The following GRID2 variants were observed in gnomAD, a reference collection of about 807,000 sequenced individuals.
GRID2 encodes glutamate ionotropic receptor delta type subunit 2.
Under a neutral mutation model 114.8 loss-of-function variants are expected in GRID2, and 33 were observed. The ratio of observed to expected loss-of-function variants is 0.29; its 90% CI spans 0.22 to 0.38. The LOEUF is 0.38. Ranked by LOEUF, GRID2 falls within the 10% of genes least tolerant of loss-of-function variation. GRID2 has a pLI of 1.00. For synonymous variants in GRID2, 505 were observed against 449.9 expected (o/e 1.12, Z -1.55); for missense variants, 1,184 against 1,257.7 (o/e 0.94, Z 0.89).
At chr4:93,592,925 T>A (rs1738555627) in intron 13 of GRID2, among the ~76,000 whole-genome samples, 1 of 151,524 alleles carries the variant, frequency 6.6e-6, no homozygotes, top group Admixed American at 6.6e-5. Context: ...TCTTCCTCCA[T>A]CCTTTTATTT....
intron 2 of GRID2, among the ~76,000 whole-genome samples, chr4:93,047,269 G>A (rs532562489): frequency 6.6e-6 from 1 of 151,994 alleles, no homozygotes; most frequent in South Asian, 2.1e-4. Flanking sequence ...TTGGAATTCT[G>A]GCACAGAAAA....
At chr4:92,827,958 G>A (rs1274432043) in intron 2 of GRID2, among the ~76,000 whole-genome samples, 1 of 151,944 alleles carries the variant, frequency 6.6e-6, no homozygotes, top group Non-Finnish European at 1.5e-5. Flanking sequence ...TTAATGTTGA[G>A]AATGTCAAAA....
At chr4:92,726,297 C>G (rs759581340) in intron 2 of GRID2, among the ~76,000 whole-genome samples, 1 of 152,084 alleles carries the variant, frequency 6.6e-6, no homozygotes, top group Non-Finnish European at 1.5e-5. Flanking sequence ...TTTATTACAC[C>G]AGCCTTACCA....
intron 1 of GRID2, among the ~76,000 whole-genome samples, chr4:93,787,905 A>ATAG (rs565662240): frequency 8.1e-4 from 123 of 152,330 alleles, no homozygotes; most frequent in African/African-American, 2.8e-3. Context: ...GTCTGGACGA[A>ATAG]TAGACTCAGG....
At chr4:92,736,110 TTGTC>T (rs1736585458) in intron 2 of GRID2, among the ~76,000 whole-genome samples, 1 of 152,116 alleles carries the variant, frequency 6.6e-6, no homozygotes, top group Non-Finnish European at 1.5e-5. Context: ...TTGCCCCAGA[TTGTC>T]TGAGAGGGCT....
chr4:93,803,346 G>A (rs1461026971), intron 1 of GRID2, among the ~76,000 whole-genome samples: 1 of 152,130 alleles, frequency 6.6e-6, no homozygotes, highest in East Asian at 1.9e-4. Flanking sequence ...AGAGAAAAAA[G>A]TAGAATTGAT....
intron 2 of GRID2, among the ~76,000 whole-genome samples, chr4:92,775,751 A>G (rs180687120): frequency 1.8e-3 from 271 of 152,220 alleles, no homozygotes; most frequent in Middle Eastern, 0.014. Context: ...GAACCAGCAA[A>G]TAGGTTTAGT....
chr4:92,508,275 CCTT>C lies in GRID2; in HGVS notation c.89-81853_89-81851del, dbSNP rs139493555. 2.4e-3 allele frequency among the ~76,000 whole-genome samples: 362 copies of C among 151,948 alleles called. 1 individual carries two copies. Among genetic ancestry groups the C allele is most frequent in the African/African-American group, 8.3e-3 (343 of 41,490 alleles). ...TCAATTAACACATATTCATTGAAAA[CCTT>C]CTACATACCACTCATACTACAACTG... On this transcript the variant is annotated intron_variant, in intron 1 of 15. Coordinates refer to ENST00000282020, the MANE Select transcript of GRID2 (RefSeq NM_001510.4).
rs1329789538 is a variant in GRID2 at position 93,173,999 on chromosome 4, A to G, written c.736-33405A>G. 5.9e-5 allele frequency among the ~76,000 whole-genome samples: 9 copies of G among 152,300 alleles called. No individual in the cohort carries two copies. The East Asian group carries it at 1.5e-3, about 26-fold the overall frequency. On this transcript the variant is annotated intron_variant, in intron 4 of 15. Transcript: ENST00000282020. ...AAAAATTCACAGGTAGTCATGAGAA[A>G]TAATATAGAGTAATCAAGTATACCC...
At chr4:92,536,803 C>CT (rs1239017810) in intron 1 of GRID2, among the ~76,000 whole-genome samples, 4 of 152,042 alleles carry the variant, frequency 2.6e-5, no homozygotes, top group African/African-American at 9.7e-5. Flanking sequence ...CCAAGAATGA[C>CT]TAAGTGTAAT....
At chr4:92,973,405 G>T (rs1560759387) in intron 2 of GRID2, among the ~76,000 whole-genome samples, 1 of 152,148 alleles carries the variant, frequency 6.6e-6, no homozygotes. Flanking sequence ...TTATGGAATG[G>T]TATCTATATA....
chr4:93,182,145 A>G (rs1459880298), intron 4 of GRID2, among the ~76,000 whole-genome samples: 1 of 152,188 alleles, frequency 6.6e-6, no homozygotes, highest in Non-Finnish European at 1.5e-5. Context: ...AAAATGAAGT[A>G]TATCTGATAA....
At chr4:93,433,262 A>G (rs116379968) in intron 10 of GRID2, among the ~76,000 whole-genome samples, 2,313 of 152,300 alleles carry the variant, frequency 0.015, 24 homozygotes, top group Non-Finnish European at 0.019. Flanking sequence ...TCTGAAATAT[A>G]TTAGGAGGTT....
intron 14 of GRID2, among the ~76,000 whole-genome samples, chr4:93,730,053 G>A (rs567016853): frequency 2.6e-5 from 4 of 152,104 alleles, no homozygotes; most frequent in Admixed American, 6.5e-5. Context: ...ATGAATGAAT[G>A]CATGAATACA....
chr4:93,180,073 C>A (rs1739739124), intron 4 of GRID2, among the ~76,000 whole-genome samples: 1 of 151,956 alleles, frequency 6.6e-6, no homozygotes, highest in Admixed American at 6.6e-5. Flanking sequence ...CATCATTTAC[C>A]CAGTTACTCA....
intron 2 of GRID2, among the ~76,000 whole-genome samples, chr4:93,004,046 A>G (rs1487014756): frequency 6.6e-6 from 1 of 151,910 alleles, no homozygotes; most frequent in Non-Finnish European, 1.5e-5. Flanking sequence ...AATATGCTTG[A>G]TTATGGGATG....
At chr4:93,420,225 A>G (rs867659433) in intron 9 of GRID2, among the ~76,000 whole-genome samples, 30 of 152,200 alleles carry the variant, frequency 2.0e-4, no homozygotes, top group African/African-American at 7.0e-4. Flanking sequence ...TTCTGCTGCC[A>G]TCATATATCA....
Position 93,408,851 on chromosome 4 carries a change from T to C in GRID2, c.1347+13143T>C, listed in dbSNP as rs975213448. Among the ~76,000 whole-genome samples, 8 of 152,112 alleles carry C rather than the reference T, an allele frequency of 5.3e-5. 1 individual carries two copies. In the South Asian group the frequency reaches 1.5e-3, roughly 28 times the overall value. ...TCTGCCCTCTATGCAGGAGATCTTT[T>C]CTTTTAAGTTTCCCACCGTGCTTCA... On this transcript the variant is annotated intron_variant, in intron 9 of 15. Coordinates refer to ENST00000282020, the MANE Select transcript of GRID2 (RefSeq NM_001510.4).
At chr4:92,347,052 A>G (rs1253878973) in intron 1 of GRID2, among the ~76,000 whole-genome samples, 5 of 152,212 alleles carry the variant, frequency 3.3e-5, no homozygotes, top group Admixed American at 6.5e-5. Flanking sequence ...ACCACTGCCA[A>G]TAGCTTCAAG....
Sources: gnomAD v4.1 joint callset for allele counts (sites outside exome capture counted in the v4.1 genomes callset) on GRCh38, gnomAD v4.1.1 for gene constraint, MANE v1.5 for transcripts, NCBI Gene and HGNC (gene_info 2026-07-23, HGNC 2026-07-21) for gene names.